DENND2A: variants seen among roughly 807,000 people sequenced by gnomAD.
The protein encoded by DENND2A is DENN domain containing 2A, also known as DENN domain-containing protein 2A.
A neutral mutation model predicts 105.3 loss-of-function variants in DENND2A; 53 were observed. That is an observed-to-expected ratio of 0.50 (90% CI 0.40 to 0.63). The LOEUF (loss-of-function observed/expected upper bound fraction) is 0.63. DENND2A is among the 30% of genes least tolerant of loss of function. DENND2A has a pLI of 0.00. For synonymous variants in DENND2A, 522 were observed against 508.4 expected, an observed-to-expected ratio of 1.03 and a Z score of -0.36; for missense variants, 1,138 against 1,279.6, an observed-to-expected ratio of 0.89 and a Z score of 1.69.
chr7:140,561,016 A>C (rs1036644163), intron 9 of DENND2A, among the ~76,000 whole-genome samples: 1 of 152,110 alleles, frequency 6.6e-6, no homozygotes, highest in Non-Finnish European at 1.5e-5. Context: ...ATGAACAGAA[A>C]TTTGTGATTT....
At chr7:140,552,676 CTG>C (rs1563135193) in intron 12 of DENND2A, among the ~76,000 whole-genome samples, 1 of 151,992 alleles carries the variant, frequency 6.6e-6, no homozygotes, top group African/African-American at 2.4e-5. Flanking sequence ...AGGATTACAG[CTG>C]TGAGCCACTG....
At chr7:140,594,999 C>T (rs1215275799) in intron 3 of DENND2A, among the ~76,000 whole-genome samples, 1 of 152,170 alleles carries the variant, frequency 6.6e-6, no homozygotes, top group East Asian at 1.9e-4. Context: ...CAGGCGTGAG[C>T]CACCTTGCTG....
intron 11 of DENND2A, among the ~76,000 whole-genome samples, chr7:140,556,606 C>T (rs1456598406): frequency 6.6e-6 from 1 of 152,184 alleles, no homozygotes; most frequent in East Asian, 1.9e-4. Flanking sequence ...TCCCAAAGTG[C>T]TAGGATTACT....
chr7:140,535,103 C>T (rs761888053), intron 14 of DENND2A, among the ~76,000 whole-genome samples: 3 of 152,164 alleles, frequency 2.0e-5, no homozygotes. Context: ...TGGCTTCCAA[C>T]TCTCTATGAA....
At chr7:140,615,569 G>A (rs931661403) in intron 1 of DENND2A, among the ~76,000 whole-genome samples, 1 of 147,322 alleles carries the variant, frequency 6.8e-6, no homozygotes, top group East Asian at 2.0e-4. Flanking sequence ...ACGGAGCCTC[G>A]CTCTGTCGCC....
At chr7:140,555,420 T>C (rs1321372542) in intron 12 of DENND2A, among the ~76,000 whole-genome samples, 4 of 152,024 alleles carry the variant, frequency 2.6e-5, no homozygotes, top group Admixed American at 2.0e-4. Context: ...ATTACAGGCA[T>C]GAGCCACCCC....
At chr7:140,547,016 G>A in intron 12 of DENND2A, 77 bp from the exon 13 acceptor site, 1 of 1,531,054 alleles carries the variant, frequency 6.5e-7, no homozygotes. Flanking sequence ...GGTGAAGTGG[G>A]CCTGCCATGG....
chr7:140,636,812 C>T (rs978887074), intron 1 of DENND2A, among the ~76,000 whole-genome samples: 4 of 151,636 alleles, frequency 2.6e-5, no homozygotes, highest in African/African-American at 9.7e-5. Context: ...ACTTCAGTCT[C>T]CCGAGTAGCT....
chr7:140,535,544 A>G (rs1796425359), intron 14 of DENND2A, among the ~76,000 whole-genome samples: 3 of 151,434 alleles, frequency 2.0e-5, no homozygotes, highest in African/African-American at 7.3e-5. Context: ...TCATCGCTAG[A>G]TCGTTGCTGA....
chr7:140,596,806 C>T (rs1209928348), intron 3 of DENND2A, among the ~76,000 whole-genome samples: 1 of 152,216 alleles, frequency 6.6e-6, no homozygotes, highest in African/African-American at 2.4e-5. Flanking sequence ...TATGTAGATA[C>T]ATGTGAATTC....
intron 12 of DENND2A, among the ~76,000 whole-genome samples, chr7:140,550,226 C>G (rs528617469): frequency 6.6e-6 from 1 of 151,956 alleles, no homozygotes; most frequent in Non-Finnish European, 1.5e-5. Context: ...GAGTTTCGCT[C>G]TTGTTGCCCA....
chr7:140,613,536 T>A (rs1799976241), intron 1 of DENND2A, among the ~76,000 whole-genome samples: 1 of 139,298 alleles, frequency 7.2e-6, no homozygotes. Context: ...TGAGACTCTG[T>A]CTCAAAAAAA....
intron 11 of DENND2A, among the ~76,000 whole-genome samples, chr7:140,557,906 A>G (rs894119003): frequency 1.7e-4 from 26 of 151,940 alleles, no homozygotes; most frequent in African/African-American, 5.6e-4. Flanking sequence ...TCCTGGTCTC[A>G]AGTGATCTGT....
Position 140,601,497 on chromosome 7 carries a change from A to G in DENND2A, c.901T>C (p.Ser301Pro). The change falls in exon 3 of 20, where the codon TCT (serine) becomes CCT (proline). Residue 301 changes from serine (S) to proline (P), a missense_variant. By Grantham distance (74) the Ser-to-Pro change is moderately conservative. This residue lies in a region of DENND2A where 511 missense variants were observed against 499.9 expected (regional missense o/e 1.02). Coordinates refer to ENST00000496613, the MANE Select transcript of DENND2A (RefSeq NM_015689.5). ...GAGGGCAGAGGCGGGGGAGGTAGAGAGGGCAGAGGAGGCAGATTTCTTTTC... is the reference window on the plus strand; with the variant it reads ...GAGGGCAGAGGCGGGGGAGGTAGAGGGGGCAGAGGAGGCAGATTTCTTTTC... ...KEKRNLPPLP[S>P]LPPPPLPSSP... 3 of 1,613,964 alleles carry G rather than the reference A, an allele frequency of 1.9e-6. No homozygotes were observed. The highest frequency in any genetic ancestry group is 2.2e-5 in the South Asian group (2 of 91,068).
At chr7:140,524,189 A>G (rs1795962287) in intron 16 of DENND2A, among the ~76,000 whole-genome samples, 1 of 151,664 alleles carries the variant, frequency 6.6e-6, no homozygotes, top group South Asian at 2.1e-4. Flanking sequence ...AAGTAATGAT[A>G]AAAAACAGCA....
At chr7:140,562,780 A>T (rs1010905009) in intron 9 of DENND2A, among the ~76,000 whole-genome samples, 1 of 152,224 alleles carries the variant, frequency 6.6e-6, no homozygotes, top group Non-Finnish European at 1.5e-5. Context: ...TTAAGACAGC[A>T]ATCAATCGGT....
intron 1 of DENND2A, among the ~76,000 whole-genome samples, chr7:140,625,470 A>G (rs1181817380): frequency 6.6e-6 from 1 of 152,206 alleles, no homozygotes; most frequent in Non-Finnish European, 1.5e-5. Flanking sequence ...ACTTGAGGTC[A>G]GGAGTTTGAG....
At chr7:140,539,068 C>G (rs1796554321) in intron 14 of DENND2A, among the ~76,000 whole-genome samples, 2 of 152,346 alleles carry the variant, frequency 1.3e-5, no homozygotes, top group Admixed American at 1.3e-4. Flanking sequence ...AAGCAATCCA[C>G]CGGCCTCAGC....
intron 15 of DENND2A, among the ~76,000 whole-genome samples, chr7:140,526,916 C>T (rs1046371007): frequency 1.3e-5 from 2 of 152,130 alleles, no homozygotes; most frequent in African/African-American, 4.8e-5. Context: ...AAACTGGACA[C>T]CCAGAACTTG....
Sources: allele counts gnomAD v4.1 joint callset (sites outside exome capture counted in the v4.1 genomes callset), GRCh38; gene constraint gnomAD v4.1.1; regional missense constraint gnomAD v4.1.1; transcripts MANE v1.5; gene names NCBI Gene and HGNC (gene_info 2026-07-23, HGNC 2026-07-21).